Variants in EYS observed in about 807,000 individuals in gnomAD.
The protein encoded by EYS is protein eyes shut homolog.
EYS carries 250 observed loss-of-function variants against 282.1 expected under a neutral mutation model. That is an observed-to-expected ratio of 0.89 (90% confidence interval 0.80 to 0.98). The LOEUF (loss-of-function observed/expected upper bound fraction) is 0.98, where lower values mean the gene tolerates loss of function less well. Among genes scored for constraint, EYS ranks in the 50% least tolerant of loss-of-function variants. The pLI is 0.00. For missense variants in EYS, 4,016 were observed against 3,709.0 expected (o/e 1.08, Z -2.15); for synonymous variants, 1,355 against 1,282.9 (o/e 1.06, Z -1.20).
intron 22 of EYS, among the ~76,000 whole-genome samples, chr6:64,787,677 CTAA>C (rs1774065930): frequency 1.3e-5 from 2 of 149,706 alleles, no homozygotes; most frequent in Admixed American, 1.3e-4. Context: ...CAGATGTAAA[CTAA>C]TAATATGTCT....
chr6:63,834,346 GCT>G (rs1262154182), intron 36 of EYS, among the ~76,000 whole-genome samples: 2 of 151,808 alleles, frequency 1.3e-5, no homozygotes, highest in Non-Finnish European at 2.9e-5. Context: ...TCCACAAAGA[GCT>G]TTAACAAATT....
intron 30 of EYS, among the ~76,000 whole-genome samples, chr6:64,303,715 C>T (rs1404784871): frequency 1.3e-5 from 2 of 151,194 alleles, no homozygotes; most frequent in Non-Finnish European, 2.9e-5. Context: ...GTGGCGCGCG[C>T]CTGTAGTCCC....
chr6:65,328,260 A>G (rs1335379726), intron 11 of EYS, among the ~76,000 whole-genome samples: 1 of 151,484 alleles, frequency 6.6e-6, no homozygotes, highest in East Asian at 1.9e-4. Context: ...TGCCTCTAGA[A>G]GACAAAATAC....
intron 5 of EYS, among the ~76,000 whole-genome samples, chr6:65,455,202 T>C (rs1764556215): frequency 6.6e-6 from 1 of 152,166 alleles, no homozygotes; most frequent in Non-Finnish European, 1.5e-5. Flanking sequence ...CTTTTCAGTT[T>C]AGAGATCTTT....
At chr6:64,202,218 C>G (rs921691123) in intron 31 of EYS, among the ~76,000 whole-genome samples, 1 of 152,148 alleles carries the variant, frequency 6.6e-6, no homozygotes, top group Non-Finnish European at 1.5e-5. Flanking sequence ...TTCTTTCATA[C>G]CATGAACTGC....
chr6:65,587,912 G>A (rs1458031349), intron 2 of EYS, among the ~76,000 whole-genome samples: 3 of 151,904 alleles, frequency 2.0e-5, no homozygotes, highest in African/African-American at 2.4e-5. Flanking sequence ...AAATTACTAC[G>A]CTTTTATTAT....
intron 12 of EYS, among the ~76,000 whole-genome samples, chr6:65,287,162 T>A (rs1029307188): frequency 1.7e-4 from 26 of 151,440 alleles, no homozygotes; most frequent in African/African-American, 5.8e-4. Context: ...TATTTCATAT[T>A]TAGATGAAAC....
At chr6:63,838,408 A>C (rs1292643671) in intron 36 of EYS, among the ~76,000 whole-genome samples, 1 of 152,136 alleles carries the variant, frequency 6.6e-6, no homozygotes, top group Non-Finnish European at 1.5e-5. Context: ...AAATTCCTCT[A>C]GGGTCCTTGA....
At chr6:65,521,004 C>T (rs1372434894) in intron 2 of EYS, among the ~76,000 whole-genome samples, 1 of 152,118 alleles carries the variant, frequency 6.6e-6, no homozygotes, top group Non-Finnish European at 1.5e-5. Flanking sequence ...ACTAGGCTCA[C>T]ATGTTCCAAT....
intron 22 of EYS, among the ~76,000 whole-genome samples, chr6:64,800,887 C>T (rs1253382938): frequency 1.3e-5 from 2 of 152,030 alleles, no homozygotes; most frequent in East Asian, 1.9e-4. Context: ...GAATTTTGAA[C>T]ATTTTTTCAC....
At chr6:63,885,400 C>T (rs1348788301) in intron 35 of EYS, among the ~76,000 whole-genome samples, 1 of 152,128 alleles carries the variant, frequency 6.6e-6, no homozygotes, top group Admixed American at 6.5e-5. Context: ...TTTAAGGACT[C>T]TTCCAGTGCC....
At chr6:65,647,850 C>A (rs1013653366) in intron 1 of EYS, among the ~76,000 whole-genome samples, 2 of 151,870 alleles carry the variant, frequency 1.3e-5, no homozygotes, top group South Asian at 2.1e-4. Context: ...CAAACAAAAT[C>A]TTAGCAAAAT....
At chr6:65,308,089 C>T (rs1012130328) in intron 11 of EYS, among the ~76,000 whole-genome samples, 2 of 105,248 alleles carry the variant, frequency 1.9e-5, no homozygotes, top group Non-Finnish European at 3.8e-5. Flanking sequence ...TCTTCTGCCT[C>T]AGCCTCCCTA....
rs66591902 is a variant in EYS, at chr6:64,989,888, C to G, written c.2259+7694G>C. On this transcript the variant is annotated intron_variant, in intron 14 of 42. Transcript: ENST00000503581. Reference sequence around the variant, plus strand: ...TTGTAGGAAGTAGCTGGTTTCAGCTCAAGAGCTTGATTTTAGAAAGGTGTT... The same window carrying G: ...TTGTAGGAAGTAGCTGGTTTCAGCTGAAGAGCTTGATTTTAGAAAGGTGTT... Among the ~76,000 whole-genome samples the G allele has an allele frequency of 2.7e-5, 4 of 149,748 alleles. No individual in the cohort carries two copies. The South Asian group carries it at 8.3e-4, about 31-fold the overall frequency.
chr6:65,062,524 A>G (rs1773608739), intron 12 of EYS, among the ~76,000 whole-genome samples: 1 of 151,904 alleles, frequency 6.6e-6, no homozygotes, highest in African/African-American at 2.4e-5. Context: ...GTGTAATATA[A>G]TTAGGAAATA....
At chr6:63,837,133 A>G (rs1334694595) in intron 36 of EYS, among the ~76,000 whole-genome samples, 1 of 152,122 alleles carries the variant, frequency 6.6e-6, no homozygotes. Flanking sequence ...AATTCAAAAA[A>G]ATATAGAAAC....
chr6:65,243,660 G>A (rs1189133960), intron 12 of EYS, among the ~76,000 whole-genome samples: 2 of 151,922 alleles, frequency 1.3e-5, no homozygotes, highest in East Asian at 1.9e-4. Context: ...TTCCTCTGGT[G>A]AGAGGACATG....
At chr6:64,238,010 T>C (rs145530359) in intron 30 of EYS, among the ~76,000 whole-genome samples, 33 of 152,326 alleles carry the variant, frequency 2.2e-4, no homozygotes, top group South Asian at 1.2e-3. Flanking sequence ...ATTTATGTAA[T>C]AGGATAAGAA....
At chr6:64,836,318 T>C (rs1251147776) in intron 19 of EYS, among the ~76,000 whole-genome samples, 1 of 150,932 alleles carries the variant, frequency 6.6e-6, no homozygotes, top group East Asian at 1.9e-4. Context: ...ATACACACTA[T>C]AAATATATGG....
Sources: gnomAD v4.1 joint callset for allele counts (sites outside exome capture counted in the v4.1 genomes callset) on GRCh38, gnomAD v4.1.1 for gene constraint, MANE v1.5 for transcripts, NCBI Gene and HGNC (gene_info 2026-07-23, HGNC 2026-07-21) for gene names.